The following PRDM4 variants were observed in gnomAD, a reference collection of about 807,000 sequenced individuals.
PRDM4 encodes the protein PR/SET domain 4.
PRDM4 carries 38 observed loss-of-function variants against 62.3 expected under a neutral mutation model. The observed-to-expected ratio is 0.61, with a 90% CI of 0.47 to 0.80. PRDM4 has a LOEUF of 0.80. Ranked by LOEUF, PRDM4 falls within the 30% of genes least tolerant of loss-of-function variation. The pLI is 0.00. For missense variants in PRDM4, 858 were observed against 997.1 expected (o/e 0.86, Z 1.88); for synonymous variants, 339 against 348.2 (o/e 0.97, Z 0.30).
At position 107,733,091 on chromosome 12, in the gene PRDM4, A is replaced by C. The variant is rs1413151803; in HGVS notation, c.*1119T>G. On this transcript the variant is annotated 3_prime_UTR_variant, in exon 12 of 12. Transcript: ENST00000228437. ...CTGGATGTGCATGGGAGACACAATG[A>C]CCAGGTGCATGGGTGACTTAACTAA... 1.3e-5 allele frequency: 2 copies of C among 152,514 alleles called. No individual in the cohort carries two copies. The highest frequency in any genetic ancestry group is 4.8e-5 in the African/African-American group (2 of 41,422). 9.4% of individuals were successfully genotyped at this position (152,514 alleles called of 1,614,324 possible). A position where few individuals can be genotyped will look rare whatever the true frequency, so the allele number is the denominator to read the frequency against.
At chr12:107,754,188 T>G in intron 3 of PRDM4, 79 bp from the exon 4 acceptor site, 6 of 1,195,008 alleles carry the variant, frequency 5.0e-6, no homozygotes, top group Non-Finnish European at 6.9e-6. Flanking sequence ...GGCTAAACTC[T>G]TAGAAAGGTT....
intron 4 of PRDM4, among the ~76,000 whole-genome samples, 157 bp from the exon 5 acceptor site, chr12:107,752,366 C>T (rs909488398): frequency 6.6e-6 from 1 of 152,076 alleles, no homozygotes; most frequent in Non-Finnish European, 1.5e-5. Context: ...TAGCAACATA[C>T]ATATACCGTA....
rs944725493 is a variant in PRDM4, at chr12:107,751,670, T to G, written c.871A>C (p.Thr291Pro). The G allele has an allele frequency of 1.2e-6, 2 of 1,614,138 alleles. No individual in the cohort carries two copies. Among genetic ancestry groups the G allele is most frequent in the Non-Finnish European group, 1.7e-6 (2 of 1,180,012 alleles). ...ACAGAGTTGGTGCTCATGGCCACAGTGTGAATGGAGTCACTGAGGGCACTG... is the reference window on the plus strand; with the variant it reads ...ACAGAGTTGGTGCTCATGGCCACAGGGTGAATGGAGTCACTGAGGGCACTG... ...SDSALSDSIH[T>P]VAMSTNSVSV... The change falls in exon 5 of 12, where the codon ACT (threonine) becomes CCT (proline). Residue 291 changes from threonine to proline, a missense_variant. By Grantham distance (38) the Thr-to-Pro change is conservative (BLOSUM62 -1). Transcript: ENST00000228437.
chr12:107,745,793 A>G (rs1421140113), intron 6 of PRDM4, among the ~76,000 whole-genome samples: 1 of 152,238 alleles, frequency 6.6e-6, no homozygotes, highest in Non-Finnish European at 1.5e-5. Flanking sequence ...GAAATGTCGC[A>G]GTAACTCAGA....
At position 107,756,920 on chromosome 12, in the gene PRDM4, A is replaced by G; in HGVS notation, c.57T>C (p.Thr19=). ...NLSPVGMEQL[T]SSSVSNALPV... ...GCAAGGCATTGCTCACAGAGGATGA[A>G]GTCAGCTGCTCCATCCCCACTGGAC... is the stretch of plus-strand genomic sequence containing the variant. Residue 19 remains threonine (T), a synonymous_variant, in exon 3 of 12, where the codon ACT becomes ACC. Coordinates refer to ENST00000228437, the MANE Select transcript of PRDM4 (RefSeq NM_012406.4). 1 of 1,614,182 alleles carries G rather than the reference A, an allele frequency of 6.2e-7. No homozygotes were observed.
chr12:107,756,895 G>C lies in PRDM4; in HGVS notation c.82C>G (p.Pro28Ala). 6.2e-7 allele frequency: 1 copy of C among 1,614,124 alleles called. No homozygotes were observed. The highest frequency in any genetic ancestry group is 8.5e-7 in the Non-Finnish European group (1 of 1,180,004). The change falls in exon 3 of 12, where the codon CCA becomes GCA. Residue 28 changes from proline to alanine, a missense_variant. By Grantham distance (27) the Pro-to-Ala change is conservative. Transcript: ENST00000228437. ...LTSSSVSNAL[P>A]VSGSHLGLAA... is the part of the protein sequence containing the mutation. ...AATCCCAGGTGACTTCCTGAGACTG[G>C]CAAGGCATTGCTCACAGAGGATGAA...
At chr12:107,739,660 G>GCTT in intron 10 of PRDM4, 109 bp from the exon 11 acceptor site, 3 of 1,144,000 alleles carry the variant, frequency 2.6e-6, no homozygotes, top group Non-Finnish European at 3.7e-6. Flanking sequence ...AAACAGAGCT[G>GCTT]ACTGGTAAGC....
In PRDM4 at chr12:107,754,122, ATTT is replaced by A. The variant is rs759070395; in HGVS notation, c.146-16_146-14del. ...GCCACTGGGAGGCCTACAAAACAAA[ATTT>A]TTTTTCTCAGTTAAAAGAAAATAGG... On this transcript the variant is annotated splice_polypyrimidine_tract_variant and intron_variant, in intron 3 of 11. Coordinates refer to ENST00000228437, the MANE Select transcript of PRDM4 (RefSeq NM_012406.4). The A allele has an allele frequency of 6.4e-7, 1 of 1,559,344 alleles. No homozygotes were observed. Among genetic ancestry groups the A allele is most frequent in the Non-Finnish European group, 8.7e-7 (1 of 1,149,910 alleles).
chr12:107,754,569 G>A (rs1891004722), intron 3 of PRDM4, among the ~76,000 whole-genome samples: 3 of 152,048 alleles, frequency 2.0e-5, no homozygotes, highest in Non-Finnish European at 4.4e-5. Flanking sequence ...TTTTGCTAGA[G>A]ACAGGGTTTC....
chr12:107,738,566 A>C (rs1890408801), intron 11 of PRDM4: 1 of 152,248 alleles, frequency 6.6e-6, no homozygotes, highest in African/African-American at 2.4e-5. Context: ...TTAAAAGCTA[A>C]GGACAACAAA....
At chr12:107,746,446 A>G (rs920759663) in intron 5 of PRDM4, 22 bp from the exon 6 acceptor site, 5 of 1,538,260 alleles carry the variant, frequency 3.3e-6, no homozygotes, top group Non-Finnish European at 4.4e-6. Flanking sequence ...AAATTTGAGC[A>G]ATACAAATGG....
rs570423049 is a variant in PRDM4 at position 107,749,821 on chromosome 12, C to A, written c.1126+1594G>T. On this transcript the variant is annotated intron_variant, in intron 5 of 11. Transcript: ENST00000228437. Reference sequence around the variant, plus strand: ...TCACTCCCTAAAACTCTTGACCGGTCTTAAAAGAGCCTTTGTGTTCTGGCT... The same window carrying A: ...TCACTCCCTAAAACTCTTGACCGGTATTAAAAGAGCCTTTGTGTTCTGGCT... Among the ~76,000 whole-genome samples, 7 of 152,270 alleles carry A rather than the reference C, an allele frequency of 4.6e-5. 1 individual carries two copies. The highest frequency in any genetic ancestry group is 1.2e-4 in the African/African-American group (5 of 41,564).
At chr12:107,747,602 ATTC>A (rs1213010564) in intron 5 of PRDM4, among the ~76,000 whole-genome samples, 1 of 152,078 alleles carries the variant, frequency 6.6e-6, no homozygotes, top group Non-Finnish European at 1.5e-5. Flanking sequence ...ATTGTTCTCT[ATTC>A]TTACTACAAC....
intron 4 of PRDM4, among the ~76,000 whole-genome samples, chr12:107,753,472 AG>A (rs1344708936): frequency 6.6e-6 from 1 of 152,172 alleles, no homozygotes; most frequent in Non-Finnish European, 1.5e-5. Context: ...AACAAATGGC[AG>A]GAAGGAAGTA....
chr12:107,739,447 C>A lies in PRDM4; in HGVS notation c.2029G>T (p.Asp677Tyr). 1 of 1,613,944 alleles carries A rather than the reference C, an allele frequency of 6.2e-7. No individual in the cohort carries two copies. The highest frequency in any genetic ancestry group is 1.1e-5 in the South Asian group (1 of 91,076). The part of the protein sequence containing the change: ...IHTGEKNLKC[D>Y]YCDKLFMRRQ... ...CGCATAAACAACTTGTCACAGTAAT[C>A]ACACTTAAGATTCTTCTCCCCAGTG... The change falls in exon 11 of 12, where the codon GAT becomes TAT. Residue 677 changes from aspartate (D) to tyrosine (Y), a missense_variant. Asp to Tyr is a radical substitution (Grantham distance 160). Coordinates refer to ENST00000228437, the MANE Select transcript of PRDM4 (RefSeq NM_012406.4).
chr12:107,740,622 T>C (rs938764465), intron 10 of PRDM4, among the ~76,000 whole-genome samples: 5 of 152,126 alleles, frequency 3.3e-5, no homozygotes, highest in African/African-American at 1.2e-4. Flanking sequence ...AGAAACTGGC[T>C]CTGGCTGGTG....
At chr12:107,743,560 C>G (rs1234523510) in intron 7 of PRDM4, among the ~76,000 whole-genome samples, 1 of 152,156 alleles carries the variant, frequency 6.6e-6, no homozygotes, top group African/African-American at 2.4e-5. Context: ...GACAAAAAAC[C>G]AGTCTACCTG....
chr12:107,760,277 C>A (rs527578300), intron 2 of PRDM4, among the ~76,000 whole-genome samples: 6 of 152,326 alleles, frequency 3.9e-5, no homozygotes, highest in Admixed American at 3.3e-4. Flanking sequence ...AAGGTGTCAA[C>A]AAGCCAACAA....
Position 107,732,917 on chromosome 12 carries a change from TTGAA to T in PRDM4, c.*1289_*1292del, listed in dbSNP as rs1337963918. 1 of 152,648 alleles carries T rather than the reference TTGAA, an allele frequency of 6.6e-6. No individual in the cohort carries two copies. Among genetic ancestry groups the T allele is most frequent in the African/African-American group, 2.4e-5 (1 of 41,464 alleles). The allele number at this position is 152,648 out of a possible 1,614,324, so 9.5% of individuals were successfully genotyped here. On this transcript the variant is annotated 3_prime_UTR_variant, in exon 12 of 12. Transcript: ENST00000228437. ...TAATCCTTCCTAGAGGAATACAGAT[TTGAA>T]TGAAATACATTCATTCCATAAATAC...
Sources: gnomAD v4.1 joint callset for allele counts (sites outside exome capture counted in the v4.1 genomes callset) on GRCh38, gnomAD v4.1.1 for gene constraint, MANE v1.5 for transcripts, NCBI Gene and HGNC (gene_info 2026-07-23, HGNC 2026-07-21) for gene names.